Variants in CCT2 observed in about 807,000 individuals in gnomAD.
The protein encoded by CCT2 is T-complex protein 1 subunit beta.
In CCT2, 18 loss-of-function variants were observed where a neutral mutation model predicts 61.8. The observed-to-expected ratio is 0.29, with a 90% CI of 0.20 to 0.43. The LOEUF (loss-of-function observed/expected upper bound fraction) is 0.43. Among genes scored for constraint, CCT2 ranks in the 20% least tolerant of loss-of-function variants. The pLI is 1.00. For synonymous variants in CCT2, 248 were observed against 215.9 expected (o/e 1.15, Z -1.30); for missense variants, 556 against 656.9 (o/e 0.85, Z 1.68).
chr12:69,589,126 C>G (rs1218998575), intron 6 of CCT2: 8 of 236,236 alleles, frequency 3.4e-5, no homozygotes, highest in Non-Finnish European at 6.6e-5. Flanking sequence ...TGGGGTTTCA[C>G]CATGTTGCTC....
chr12:69,597,367 C>G, intron 11 of CCT2, 92 bp downstream of exon 11: 2 of 1,424,424 alleles, frequency 1.4e-6, no homozygotes, highest in East Asian at 4.6e-5. Flanking sequence ...AATAGCATAT[C>G]TTACAAGTCT....
intron 6 of CCT2, chr12:69,589,152 T>A: frequency 3.1e-6 from 1 of 322,350 alleles, no homozygotes; most frequent in South Asian, 2.9e-5. Context: ...GGTCTTGAAC[T>A]GACCTCAAGT....
intron 6 of CCT2, 156 bp downstream of exon 6, chr12:69,588,418 A>G (rs1881731501): frequency 1.7e-6 from 1 of 591,952 alleles, no homozygotes; most frequent in South Asian, 2.2e-5. Context: ...CTCCAGAGAT[A>G]GCCACTAAAG....
In CCT2 at chr12:69,592,964, C is replaced by T. The variant is rs576003443; in HGVS notation, c.751-12C>T. On this transcript the variant is annotated splice_polypyrimidine_tract_variant and intron_variant, in intron 8 of 15. Coordinates refer to ENST00000299300, the MANE Select transcript of CCT2 (RefSeq NM_006431.3). ...TGAAACTGATGCTCTCTTTATGCTT[C>T]GTTTGTCTTAGATATTTGGTTCCCG... The T allele has an allele frequency of 2.7e-5, 43 of 1,609,596 alleles. No homozygotes were observed. Among genetic ancestry groups the T allele is most frequent in the African/African-American group, 1.7e-4 (13 of 74,658 alleles).
chr12:69,592,006 A>G (rs1284127508), intron 7 of CCT2, 53 bp from the exon 8 acceptor site: 1 of 1,021,278 alleles, frequency 9.8e-7, no homozygotes, highest in Non-Finnish European at 1.5e-6. Flanking sequence ...TATAAGATTT[A>G]CTAAGGCTGC....
At chr12:69,594,428 C>T (rs936385238) in intron 10 of CCT2, among the ~76,000 whole-genome samples, 59 of 152,076 alleles carry the variant, frequency 3.9e-4, no homozygotes, top group African/African-American at 1.3e-3. Flanking sequence ...CGTTAGCATA[C>T]GTGAAACAAT....
intron 15 of CCT2, 35 bp from the exon 16 acceptor site, chr12:69,601,260 A>G (rs910918510): frequency 6.4e-7 from 1 of 1,552,854 alleles, no homozygotes; most frequent in East Asian, 2.2e-5. Flanking sequence ...CATGCTCTTC[A>G]TTTTTCACTA....
intron 10 of CCT2, among the ~76,000 whole-genome samples, chr12:69,594,019 C>T (rs1021046387): frequency 3.9e-5 from 6 of 151,980 alleles, no homozygotes; most frequent in Admixed American, 2.6e-4. Context: ...GCCTGTGATC[C>T]TAGCCACTTG....
chr12:69,600,063 ATTTATTTTATAATTAGAG>A, intron 15 of CCT2, 59 bp downstream of exon 15: 1 of 1,430,160 alleles, frequency 7.0e-7, no homozygotes, highest in Non-Finnish European at 9.5e-7. Context: ...AGGGAGCTGT[ATTTATTTTATAATTAGAG>A]TTAATGAAAA....
At chr12:69,592,402 GA>G in intron 8 of CCT2, 1 of 225,776 alleles carries the variant, frequency 4.4e-6, no homozygotes, top group East Asian at 9.6e-5. Context: ...AGAATCACTT[GA>G]ACCCAGGAGG....
At chr12:69,595,276 T>C (rs879876384) in intron 10 of CCT2, among the ~76,000 whole-genome samples, 8 of 152,238 alleles carry the variant, frequency 5.3e-5, no homozygotes, top group Non-Finnish European at 1.2e-4. Flanking sequence ...TTACTTGAAG[T>C]GGGTTTACTT....
In CCT2 at chr12:69,589,557, T is replaced by C. The variant is rs761624536; in HGVS notation, c.519T>C (p.Thr173=). 1 of 1,613,974 alleles carries C rather than the reference T, an allele frequency of 6.2e-7. No homozygotes were observed. The highest frequency in any genetic ancestry group is 8.5e-7 in the Non-Finnish European group (1 of 1,179,962). Residue 173 remains threonine (T), a synonymous_variant, in exon 7 of 16, where the codon ACT becomes ACC. Transcript: ENST00000299300. ...AGTTLSSKLL[T]HHKDHFTKLA... ...CAACATTATCCTCAAAACTTCTTAC[T>C]CATCACAAAGACCACTTTACAAAGT...
chr12:69,596,296 A>G (rs1276444012), intron 10 of CCT2, among the ~76,000 whole-genome samples: 1 of 152,234 alleles, frequency 6.6e-6, no homozygotes, highest in Non-Finnish European at 1.5e-5. Flanking sequence ...ATTTATTATA[A>G]AATAAATAAT....
chr12:69,585,679 G>T (rs1301940893), intron 1 of CCT2, 155 bp downstream of exon 1: 7 of 1,513,446 alleles, frequency 4.6e-6, no homozygotes, highest in African/African-American at 2.8e-5. Context: ...TGCGGCCTGC[G>T]CCAGGCCAGC....
At chr12:69,601,265 TCAC>T in intron 15 of CCT2, 27 bp from the exon 16 acceptor site, 1 of 1,565,126 alleles carries the variant, frequency 6.4e-7, no homozygotes, top group Non-Finnish European at 8.7e-7. Context: ...TCTTCATTTT[TCAC>T]TATTGACTTT....
chr12:69,598,262 G>C (rs1048711011), intron 13 of CCT2, 60 bp from the exon 14 acceptor site: 6 of 1,239,686 alleles, frequency 4.8e-6, no homozygotes, highest in Non-Finnish European at 6.9e-6. Context: ...TCCTAGTTAG[G>C]AGTAAATCAG....
Position 69,597,200 on chromosome 12 carries a change from C to G in CCT2, c.1027C>G (p.Leu343Val). Residue 343 changes from leucine to valine, a missense_variant, in exon 11 of 16, where the codon CTT becomes GTT. By Grantham distance (32) the Leu-to-Val change is conservative (BLOSUM62 1). This residue lies in a region of CCT2 where 225 missense variants were observed against 249.8 expected (regional missense o/e 0.90). Coordinates refer to ENST00000299300, the MANE Select transcript of CCT2 (RefSeq NM_006431.3). The part of the protein sequence containing the change: ...STFDHPELVK[L>V]GSCKLIEEVM... The stretch of plus-strand genomic sequence containing the variant: ...CTTTGATCACCCAGAACTGGTGAAG[C>G]TTGGAAGTTGCAAACTTATCGAGGA... 6.2e-7 allele frequency: 1 copy of G among 1,613,812 alleles called. No homozygotes were observed. Among genetic ancestry groups the G allele is most frequent in the Admixed American group, 1.7e-5 (1 of 60,014 alleles).
intron 13 of CCT2, 79 bp from the exon 14 acceptor site, chr12:69,598,240 TTTA>T: frequency 8.8e-7 from 1 of 1,133,216 alleles, no homozygotes; most frequent in Admixed American, 2.4e-5. Context: ...AATGTATAAT[TTTA>T]AAAAGCTATC....
chr12:69,597,396 A>G lies in CCT2; in HGVS notation c.1102+121A>G, dbSNP rs747416850. 53 of 1,253,146 alleles carry G rather than the reference A, an allele frequency of 4.2e-5. No homozygotes were observed. In the South Asian group the frequency reaches 4.9e-4, roughly 12 times the overall value. 77.6% of individuals were successfully genotyped at this position (1,253,146 alleles called of 1,614,324 possible). ...CAAGTCTTAACTCTTCAGAAGCATG[A>G]TACATACTTTGTTTCAGTCTCTTGA... On this transcript the variant is annotated intron_variant, in intron 11 of 15. Transcript: ENST00000299300.
Sources: gnomAD v4.1 joint callset for allele counts (sites outside exome capture counted in the v4.1 genomes callset) on GRCh38, gnomAD v4.1.1 for gene constraint, gnomAD v4.1.1 regional missense constraint, MANE v1.5 for transcripts, NCBI Gene and HGNC (gene_info 2026-07-23, HGNC 2026-07-21) for gene names.